The following NOX5 variants were observed in gnomAD, a reference collection of about 807,000 sequenced individuals.
NOX5 encodes NADPH oxidase, EF-hand calcium binding domain 5.
A neutral mutation model predicts 85.7 loss-of-function variants in NOX5; 76 were observed. The ratio of observed to expected loss-of-function variants is 0.89; its 90% confidence interval spans 0.74 to 1.07. NOX5 has a LOEUF of 1.07. Among genes scored for constraint, NOX5 ranks in the 50% least tolerant of loss-of-function variants. The probability of loss-of-function intolerance (pLI) is 0.00; values close to 1 mark genes in which losing one functional copy is unlikely to be tolerated. For synonymous variants in NOX5, 405 were observed against 401.4 expected, an observed-to-expected ratio of 1.01 and a Z score of -0.11; for missense variants, 973 against 999.5, an observed-to-expected ratio of 0.97 and a Z score of 0.36.
At chr15:69,039,387 G>T (rs1431851972) in intron 9 of NOX5, among the ~76,000 whole-genome samples, 1 of 151,924 alleles carries the variant, frequency 6.6e-6, no homozygotes, top group Non-Finnish European at 1.5e-5. Flanking sequence ...GGTGGCGGGG[G>T]GTAGGCAGGT....
chr15:69,029,467 C>T (rs1373975439), intron 3 of NOX5: 1 of 152,138 alleles, frequency 6.6e-6, no homozygotes, highest in African/African-American at 2.4e-5. Flanking sequence ...CATTGGTGCA[C>T]AGATATCTGT....
chr15:69,034,933 AT>A lies in NOX5; in HGVS notation c.856-411del, dbSNP rs953237001. Among the ~76,000 whole-genome samples the A allele has an allele frequency of 1.7e-3, 249 of 149,254 alleles. 2 individuals carry two copies. Among genetic ancestry groups the A allele is most frequent in the African/African-American group, 5.2e-3 (211 of 40,644 alleles). Reference sequence around the variant, plus strand: ...GCCACCATGCCCAGCTAATTAAACAATTTTTTTTTTCTATAGAGACAGGGGT... The same window carrying A: ...GCCACCATGCCCAGCTAATTAAACAATTTTTTTTTCTATAGAGACAGGGGT... On this transcript the variant is annotated intron_variant, in intron 5 of 15. Transcript: ENST00000388866.
chr15:69,055,212 T>A (rs2050795569), intron 14 of NOX5, 122 bp from the exon 15 acceptor site: 1 of 1,059,908 alleles, frequency 9.4e-7, no homozygotes, highest in Admixed American at 2.3e-5. Context: ...ACACAACAGA[T>A]CCTGGGCAAA....
chr15:69,047,228 A>G lies in NOX5; in HGVS notation c.1693-185A>G, dbSNP rs1484832149. On this transcript the variant is annotated intron_variant, in intron 11 of 15. Transcript: ENST00000388866. Reference sequence around the variant, plus strand: ...CTGTAACACCTAGAGCTCTCCCCAGACTGGTGCTGAGAGCACAGGATGTGG... The same window carrying G: ...CTGTAACACCTAGAGCTCTCCCCAGGCTGGTGCTGAGAGCACAGGATGTGG... 3 of 708,462 alleles carry G rather than the reference A, an allele frequency of 4.2e-6. No homozygotes were observed. The African/African-American group carries it at 5.4e-5, about 13-fold the overall frequency. The allele number at this position is 708,462 out of a possible 1,614,324, so 43.9% of individuals were successfully genotyped here. A position where few individuals can be genotyped will look rare whatever the true frequency, so the allele number is the denominator to read the frequency against.
chr15:69,014,893 T>C, intron 1 of NOX5, 108 bp downstream of exon 1: 1 of 835,230 alleles, frequency 1.2e-6, no homozygotes, highest in Non-Finnish European at 2.0e-6. Context: ...TGGGCAGAAA[T>C]CAGAAGATCT....
At chr15:69,050,384 A>G (rs1212471320) in intron 14 of NOX5, among the ~76,000 whole-genome samples, 1 of 152,022 alleles carries the variant, frequency 6.6e-6, no homozygotes, top group African/African-American at 2.4e-5. Context: ...GTTCTTTGTA[A>G]TGCAGGTCTG....
chr15:69,025,561 G>T (rs1204229412), intron 1 of NOX5, among the ~76,000 whole-genome samples: 2 of 152,194 alleles, frequency 1.3e-5, no homozygotes, highest in Non-Finnish European at 2.9e-5. Flanking sequence ...CTACGGATGG[G>T]CTGTGAGTAC....
chr15:69,017,267 T>C (rs994359842), intron 1 of NOX5, among the ~76,000 whole-genome samples: 8 of 152,092 alleles, frequency 5.3e-5, no homozygotes, highest in Admixed American at 1.3e-4. Context: ...TTCTCATGCC[T>C]CAGCCTCCCA....
rs770190007 is a variant in NOX5 at position 69,042,720 on chromosome 15, C to T, written c.1562C>T (p.Ser521Phe). ...CAGTGGACAAACAGGCTGTATGAGTCCTTCAAGGCATCAGACCCACTGGGC... is the reference window on the plus strand; with the variant it reads ...CAGTGGACAAACAGGCTGTATGAGTTCTTCAAGGCATCAGACCCACTGGGC... ...QGQWTNRLYE[S>F]FKASDPLGRG... Residue 521 changes from serine to phenylalanine, a missense_variant, in exon 10 of 16, where the codon TCC becomes TTC. Coordinates refer to ENST00000388866, the MANE Select transcript of NOX5 (RefSeq NM_024505.4). 2.5e-6 allele frequency: 4 copies of T among 1,614,032 alleles called. No individual in the cohort carries two copies. The highest frequency in any genetic ancestry group is 1.3e-5 in the African/African-American group (1 of 74,898).
At chr15:69,020,470 G>A (rs2050283591) in intron 1 of NOX5, among the ~76,000 whole-genome samples, 1 of 151,888 alleles carries the variant, frequency 6.6e-6, no homozygotes, top group African/African-American at 2.4e-5. Context: ...ATAGTATACT[G>A]TAGTTATCTA....
At chr15:69,035,319 G>C in intron 5 of NOX5, 35 bp from the exon 6 acceptor site, 1 of 1,607,248 alleles carries the variant, frequency 6.2e-7, no homozygotes, top group African/African-American at 1.3e-5. Flanking sequence ...CAGACAGAGA[G>C]TGAGGCAGGG....
chr15:69,055,728 T>TA (rs1174300070), intron 15 of NOX5, among the ~76,000 whole-genome samples: 3 of 152,184 alleles, frequency 2.0e-5, no homozygotes, highest in Admixed American at 2.0e-4. Flanking sequence ...GAGAGGAAGT[T>TA]AGTCTCTATG....
intron 14 of NOX5, among the ~76,000 whole-genome samples, chr15:69,052,417 CTG>C (rs1254303330): frequency 2.6e-5 from 4 of 152,270 alleles, no homozygotes; most frequent in East Asian, 1.9e-4. Context: ...AGGGTTTACA[CTG>C]TATTTAAATG....
chr15:69,015,881 C>T (rs1478104085), intron 1 of NOX5, among the ~76,000 whole-genome samples: 6 of 132,418 alleles, frequency 4.5e-5, no homozygotes, highest in East Asian at 2.2e-4. Flanking sequence ...AGGCAGTGAA[C>T]GCCCATCAGT....
rs1454821358 is a variant in NOX5 at position 69,062,066 on chromosome 15, C to T, written c.*5370C>T. 6.6e-6 allele frequency: 1 copy of T among 152,094 alleles called. No homozygotes were observed. The highest frequency in any genetic ancestry group is 1.9e-4 in the East Asian group (1 of 5,156). The allele number at this position is 152,094 out of a possible 1,614,324, so 9.4% of individuals were successfully genotyped here. On this transcript the variant is annotated 3_prime_UTR_variant, in exon 16 of 16. Coordinates refer to ENST00000388866, the MANE Select transcript of NOX5 (RefSeq NM_024505.4). ...GCGTGTTTCATGAATGTTTCCACTGCTATGGTCTGTTTCAGCTGGTGACCC... is the reference window on the plus strand; with the variant it reads ...GCGTGTTTCATGAATGTTTCCACTGTTATGGTCTGTTTCAGCTGGTGACCC...
At chr15:69,032,717 T>G (rs1400075352) in intron 4 of NOX5, among the ~76,000 whole-genome samples, 1 of 152,234 alleles carries the variant, frequency 6.6e-6, no homozygotes, top group Non-Finnish European at 1.5e-5. Context: ...GGCACCTACC[T>G]GCCTATTAAC....
rs1313483341 is a variant in NOX5, at chr15:69,058,392, T to A, written c.*1696T>A. The A allele has an allele frequency of 1.3e-5, 2 of 152,738 alleles. No individual in the cohort carries two copies. The highest frequency in any genetic ancestry group is 6.6e-5 in the Admixed American group (1 of 15,252). The allele number at this position is 152,738 out of a possible 1,614,324, so 9.5% of individuals were successfully genotyped here. A position where few individuals can be genotyped will look rare whatever the true frequency, so the allele number is the denominator to read the frequency against. ...TCTGAAAGGGGCAATAGGAAGGGGATGGTGGAGGAAGACGCTGAGGCAGGC... is the reference window on the plus strand; with the variant it reads ...TCTGAAAGGGGCAATAGGAAGGGGAAGGTGGAGGAAGACGCTGAGGCAGGC... On this transcript the variant is annotated 3_prime_UTR_variant, in exon 16 of 16. Coordinates refer to ENST00000388866, the MANE Select transcript of NOX5 (RefSeq NM_024505.4).
rs761957002 is a variant in NOX5, at chr15:69,035,895, A to G, written c.1147A>G (p.Ile383Val). 2.5e-6 allele frequency: 4 copies of G among 1,613,974 alleles called. No homozygotes were observed. Among genetic ancestry groups the G allele is most frequent in the Admixed American group, 1.7e-5 (1 of 60,018 alleles). The change falls in exon 7 of 16, where the codon ATC (isoleucine) becomes GTC (valine). Residue 383 changes from isoleucine to valine, a missense_variant. Ile to Val is a conservative substitution (Grantham distance 29). Transcript: ENST00000388866. ...GCTGCTGCTGCTCCTCCTCATGTTCATCTGCTCCAGTTCCTGCATCCGCAG... is the reference window on the plus strand; with the variant it reads ...GCTGCTGCTGCTCCTCCTCATGTTCGTCTGCTCCAGTTCCTGCATCCGCAG... ...ALLLLLLLMFICSSSCIRRSG... is the reference protein window; with the variant it reads ...ALLLLLLLMFVCSSSCIRRSG...
At chr15:69,016,130 C>T (rs955748465) in intron 1 of NOX5, among the ~76,000 whole-genome samples, 5 of 152,208 alleles carry the variant, frequency 3.3e-5, no homozygotes, top group African/African-American at 1.2e-4. Flanking sequence ...CCTCACTGGG[C>T]TGCACCAAAG....
Sources: allele counts gnomAD v4.1 joint callset (sites outside exome capture counted in the v4.1 genomes callset), GRCh38; gene constraint gnomAD v4.1.1; transcripts MANE v1.5; gene names NCBI Gene and HGNC (gene_info 2026-07-23, HGNC 2026-07-21).